CNTNAP2: variants seen among roughly 807,000 people sequenced by gnomAD.
CNTNAP2 encodes contactin-associated protein-like 2.
A neutral mutation model predicts 155.2 loss-of-function variants in CNTNAP2; 98 were observed. That is an observed-to-expected ratio of 0.63 (90% CI 0.54 to 0.75). The LOEUF is 0.75. Ranked by LOEUF, CNTNAP2 falls within the 30% of genes least tolerant of loss-of-function variation. CNTNAP2 has a pLI of 0.00. For synonymous variants in CNTNAP2, 651 were observed against 631.2 expected (o/e 1.03, Z -0.47); for missense variants, 1,727 against 1,688.1 (o/e 1.02, Z -0.40).
At chr7:147,525,489 A>G (rs1799302428) in intron 11 of CNTNAP2, among the ~76,000 whole-genome samples, 1 of 152,242 alleles carries the variant, frequency 6.6e-6, no homozygotes, top group Admixed American at 6.5e-5. Context: ...CATGTGAAAG[A>G]AGTGAGATAC....
intron 16 of CNTNAP2, among the ~76,000 whole-genome samples, chr7:148,140,722 C>T (rs1390532776): frequency 6.6e-6 from 1 of 152,128 alleles, no homozygotes; most frequent in African/African-American, 2.4e-5. Flanking sequence ...ACACCCAGCC[C>T]AGGCCCCATC....
intron 1 of CNTNAP2, among the ~76,000 whole-genome samples, chr7:146,468,797 A>C (rs986252911): frequency 2.0e-5 from 3 of 152,188 alleles, no homozygotes; most frequent in African/African-American, 7.2e-5. Flanking sequence ...ATCTGGAAGG[A>C]GTTTAAAAAA....
intron 10 of CNTNAP2, among the ~76,000 whole-genome samples, chr7:147,461,043 G>A (rs1301073156): frequency 2.0e-5 from 3 of 152,260 alleles, no homozygotes; most frequent in African/African-American, 7.2e-5. Flanking sequence ...TTTCCTAGAT[G>A]CACAGAGAAG....
intron 3 of CNTNAP2, among the ~76,000 whole-genome samples, chr7:147,032,900 G>T (rs539946202): frequency 3.3e-5 from 5 of 151,916 alleles, no homozygotes; most frequent in African/African-American, 1.2e-4. Flanking sequence ...TGATCACAAA[G>T]AAGGAAACCT....
At chr7:147,877,300 G>A (rs1169350872) in intron 13 of CNTNAP2, among the ~76,000 whole-genome samples, 3 of 152,104 alleles carry the variant, frequency 2.0e-5, no homozygotes, top group African/African-American at 7.2e-5. Context: ...TCTTTCTCAG[G>A]TCTCAGAGTA....
intron 2 of CNTNAP2, among the ~76,000 whole-genome samples, chr7:146,776,049 T>C (rs1802384797): frequency 6.6e-6 from 1 of 152,160 alleles, no homozygotes; most frequent in African/African-American, 2.4e-5. Context: ...TATTTCTCTC[T>C]CATAAAAGTC....
At chr7:146,422,044 A>AT (rs886290584) in intron 1 of CNTNAP2, among the ~76,000 whole-genome samples, 8 of 150,612 alleles carry the variant, frequency 5.3e-5, no homozygotes, top group South Asian at 2.1e-4. Flanking sequence ...CATATGGGTA[A>AT]TTTTTTTTTA....
chr7:148,119,241 C>T (rs771900322), intron 16 of CNTNAP2, among the ~76,000 whole-genome samples: 1 of 151,958 alleles, frequency 6.6e-6, no homozygotes, highest in Non-Finnish European at 1.5e-5. Context: ...GTCTCCCTTC[C>T]GGCCAGGCAC....
intron 13 of CNTNAP2, among the ~76,000 whole-genome samples, chr7:147,683,504 C>T (rs1795976520): frequency 6.6e-6 from 1 of 151,778 alleles, no homozygotes; most frequent in Admixed American, 6.6e-5. Flanking sequence ...ATTTTTCTTA[C>T]TTTAATCAAT....
chr7:146,732,428 A>G (rs1262037143), intron 1 of CNTNAP2, among the ~76,000 whole-genome samples: 2 of 152,156 alleles, frequency 1.3e-5, no homozygotes, highest in African/African-American at 4.8e-5. Context: ...CAGTGAGGAA[A>G]ATATTGTATG....
chr7:147,949,459 T>TATATATATATATATATATATATATATATA (rs1554453475), intron 14 of CNTNAP2, among the ~76,000 whole-genome samples: 5 of 129,834 alleles, frequency 3.9e-5, no homozygotes, highest in Admixed American at 7.6e-5. Context: ...TATATATATA[T>TATATATATATATATATATATATATATATA]TTTTTTTTTT....
intron 2 of CNTNAP2, among the ~76,000 whole-genome samples, chr7:146,818,297 A>C (rs773655683): frequency 1.3e-5 from 2 of 152,190 alleles, no homozygotes; most frequent in Non-Finnish European, 2.9e-5. Context: ...CCTTTGTTTC[A>C]GTATTAAACT....
At chr7:146,305,733 A>G (rs550656032) in intron 1 of CNTNAP2, among the ~76,000 whole-genome samples, 53 of 152,272 alleles carry the variant, frequency 3.5e-4, no homozygotes, top group Non-Finnish European at 5.4e-4. Flanking sequence ...AATCTCTGGG[A>G]CACATTTAAA....
At chr7:147,591,162 C>T (rs1023587637) in intron 12 of CNTNAP2, among the ~76,000 whole-genome samples, 6 of 152,188 alleles carry the variant, frequency 3.9e-5, no homozygotes, top group African/African-American at 1.4e-4. Flanking sequence ...CAAGTAATTT[C>T]ATTTTTTCCC....
intron 21 of CNTNAP2, among the ~76,000 whole-genome samples, chr7:148,293,760 C>A (rs992719978): frequency 6.6e-6 from 1 of 152,098 alleles, no homozygotes; most frequent in African/African-American, 2.4e-5. Context: ...AACCCCCGGG[C>A]ACAGTGGCTC....
chr7:146,654,345 G>A (rs896499146), intron 1 of CNTNAP2, among the ~76,000 whole-genome samples: 1 of 151,952 alleles, frequency 6.6e-6, no homozygotes, highest in South Asian at 2.1e-4. Flanking sequence ...ACTGATGAAT[G>A]TGTGTGGTTT....
chr7:147,557,435 A>G (rs1346245518), intron 11 of CNTNAP2, among the ~76,000 whole-genome samples: 1 of 152,120 alleles, frequency 6.6e-6, no homozygotes, highest in African/African-American at 2.4e-5. Context: ...ATTACTTTAC[A>G]AATAAATCAA....
At chr7:146,903,130 G>A (rs1216357248) in intron 3 of CNTNAP2, among the ~76,000 whole-genome samples, 1 of 152,134 alleles carries the variant, frequency 6.6e-6, no homozygotes, top group Non-Finnish European at 1.5e-5. Flanking sequence ...CATTAAACAG[G>A]GTATTGTTCA....
At chr7:147,482,871 C>A (rs1021997496) in intron 10 of CNTNAP2, among the ~76,000 whole-genome samples, 9 of 151,804 alleles carry the variant, frequency 5.9e-5, no homozygotes, top group African/African-American at 1.5e-4. Flanking sequence ...CATGGTGAAA[C>A]CCTGTCTCTA....
Sources: allele counts gnomAD v4.1 joint callset (sites outside exome capture counted in the v4.1 genomes callset), GRCh38; gene constraint gnomAD v4.1.1; transcripts MANE v1.5; gene names NCBI Gene and HGNC (gene_info 2026-07-23, HGNC 2026-07-21).